Variants in DCC observed in about 807,000 individuals in gnomAD.
DCC encodes the protein DCC netrin 1 receptor, also known as netrin receptor DCC.
Under a neutral mutation model 172.5 loss-of-function variants are expected in DCC, and 58 were observed. The ratio of observed to expected loss-of-function variants is 0.34; its 90% CI spans 0.27 to 0.42. The LOEUF (loss-of-function observed/expected upper bound fraction) is 0.42. Ranked by LOEUF, DCC falls within the 10% of genes least tolerant of loss-of-function variation. The probability of loss-of-function intolerance (pLI) is 1.00; values close to 1 mark genes in which losing one functional copy is unlikely to be tolerated. For synonymous variants in DCC, 709 were observed against 644.5 expected, an observed-to-expected ratio of 1.10 and a Z score of -1.52; for missense variants, 1,740 against 1,791.0, an observed-to-expected ratio of 0.97 and a Z score of 0.51.
chr18:53,357,890 T>C (rs1043502265), intron 15 of DCC, among the ~76,000 whole-genome samples: 1 of 152,148 alleles, frequency 6.6e-6, no homozygotes, highest in African/African-American at 2.4e-5. Flanking sequence ...TAGAAGGAAA[T>C]TCATTTACCT....
chr18:53,061,834 T>C (rs1458513237), intron 5 of DCC, among the ~76,000 whole-genome samples: 1 of 152,068 alleles, frequency 6.6e-6, no homozygotes, highest in African/African-American at 2.4e-5. Context: ...GAGATAATAA[T>C]AAATATAAAG....
chr18:53,506,875 A>G (rs534231943), intron 27 of DCC, among the ~76,000 whole-genome samples: 7 of 136,470 alleles, frequency 5.1e-5, no homozygotes, highest in African/African-American at 8.0e-5. Flanking sequence ...AAAAAAAAAA[A>G]GGAGGAGGAG....
rs577670955 is a variant in DCC at position 53,059,816 on chromosome 18, C to T, written c.986-3489C>T. ...TGCCACAGCAAAGGATGAAAATATG[C>T]ATTTTGTTGCTTGAGTTTTTTATTG... On this transcript the variant is annotated intron_variant, in intron 5 of 28. Transcript: ENST00000442544. Among the ~76,000 whole-genome samples, 34 of 152,144 alleles carry T rather than the reference C, an allele frequency of 2.2e-4. No individual in the cohort carries two copies. The South Asian group carries it at 6.8e-3, about 31-fold the overall frequency.
At chr18:53,116,635 C>G (rs763226576) in intron 7 of DCC, among the ~76,000 whole-genome samples, 1 of 151,620 alleles carries the variant, frequency 6.6e-6, no homozygotes, top group Non-Finnish European at 1.5e-5. Flanking sequence ...TGAAAGTACT[C>G]TTGGGTTTCA....
At chr18:53,047,308 AAT>A (rs1340721416) in intron 5 of DCC, among the ~76,000 whole-genome samples, 2 of 18,876 alleles carry the variant, frequency 1.1e-4, no homozygotes, top group African/African-American at 3.1e-4. Flanking sequence ...ATATATATAT[AAT>A]TTTATATATA....
chr18:52,484,109 G>C (rs1045267339), intron 1 of DCC, among the ~76,000 whole-genome samples: 2 of 152,050 alleles, frequency 1.3e-5, no homozygotes, highest in African/African-American at 4.8e-5. Context: ...GAATGGGCTA[G>C]GAAATAGGAA....
chr18:52,779,563 T>C (rs2037495326), intron 2 of DCC, among the ~76,000 whole-genome samples: 1 of 152,236 alleles, frequency 6.6e-6, no homozygotes, highest in African/African-American at 2.4e-5. Context: ...TTGATTAACA[T>C]TTGGGTTAGT....
At chr18:53,081,183 G>A (rs2144135426) in intron 7 of DCC, among the ~76,000 whole-genome samples, 1 of 151,836 alleles carries the variant, frequency 6.6e-6, no homozygotes, top group Admixed American at 6.6e-5. Context: ...AAATTAGAAG[G>A]ACTAACTTTG....
At chr18:53,521,652 T>C (rs2046400134) in intron 27 of DCC, among the ~76,000 whole-genome samples, 1 of 152,136 alleles carries the variant, frequency 6.6e-6, no homozygotes, top group Non-Finnish European at 1.5e-5. Flanking sequence ...TGCCTTTCAC[T>C]TTTTATTGTA....
rs560260512 is a variant in DCC, at chr18:52,470,000, T to C, written c.91+129122T>C. ...GCAGAAGTGCCTAGGAAGCAGAGCTTGGTCTTATGCTCAAGAGAGAAAACA... is the reference window on the plus strand; with the variant it reads ...GCAGAAGTGCCTAGGAAGCAGAGCTCGGTCTTATGCTCAAGAGAGAAAACA... On this transcript the variant is annotated intron_variant, in intron 1 of 28. Coordinates refer to ENST00000442544, the MANE Select transcript of DCC (RefSeq NM_005215.4). 7.0e-4 allele frequency among the ~76,000 whole-genome samples: 107 copies of C among 152,358 alleles called. 1 individual carries two copies. The highest frequency in any genetic ancestry group is 2.5e-3 in the African/African-American group (103 of 41,602).
intron 3 of DCC, among the ~76,000 whole-genome samples, chr18:52,921,250 T>C (rs35951841): frequency 0.39 from 59,801 of 152,056 alleles, 12,373 homozygotes; most frequent in Non-Finnish European, 0.47. Flanking sequence ...ATGTTTGTAA[T>C]AGGAGAAACT....
chr18:53,501,448 T>C (rs1167213865), intron 27 of DCC, among the ~76,000 whole-genome samples: 4 of 152,152 alleles, frequency 2.6e-5, no homozygotes, highest in Non-Finnish European at 5.9e-5. Context: ...ATAAAACGAC[T>C]AAATCATTAA....
At position 53,416,109 on chromosome 18, in the gene DCC, CT is replaced by C. The variant is rs1276836391; in HGVS notation, c.3131-10del. 21 of 1,600,680 alleles carry C rather than the reference CT, an allele frequency of 1.3e-5. No homozygotes were observed. Among genetic ancestry groups the C allele is most frequent in the African/African-American group, 8.0e-5 (6 of 74,754 alleles). Reference sequence around the variant, plus strand: ...CTGTCAAAGTCTAATAATGTTATTTCTTTTTCCCCCGCAGTGGAACACCCTG... The same window carrying C: ...CTGTCAAAGTCTAATAATGTTATTTCTTTTCCCCCGCAGTGGAACACCCTG... On this transcript the variant is annotated splice_polypyrimidine_tract_variant and intron_variant, in intron 20 of 28. Transcript: ENST00000442544.
chr18:53,130,439 C>A lies in DCC; in HGVS notation c.1262-26917C>A, dbSNP rs191577479. On this transcript the variant is annotated intron_variant, in intron 7 of 28. Transcript: ENST00000442544. ...TGTTCTGTATACAGATTTTATTTTT[C>A]TTTTTGTTTGCCGTCTCAAAACTCT... Among the ~76,000 whole-genome samples the A allele has an allele frequency of 1.3e-4, 20 of 152,120 alleles. No homozygotes were observed. In the East Asian group the frequency reaches 3.7e-3, roughly 28 times the overall value.
At chr18:52,782,247 A>G (rs1042357344) in intron 2 of DCC, among the ~76,000 whole-genome samples, 3 of 152,144 alleles carry the variant, frequency 2.0e-5, no homozygotes, top group African/African-American at 7.2e-5. Context: ...GTGCATTTTA[A>G]AAGCTTAGAA....
At chr18:53,497,883 C>A (rs1044203223) in intron 26 of DCC, among the ~76,000 whole-genome samples, 2 of 152,134 alleles carry the variant, frequency 1.3e-5, no homozygotes, top group African/African-American at 4.8e-5. Context: ...CTTCAAACTC[C>A]TTGGGATTCT....
At chr18:53,527,048 T>C (rs962193097) in intron 28 of DCC, 2 of 428,094 alleles carry the variant, frequency 4.7e-6, no homozygotes, top group Admixed American at 3.5e-5. Context: ...CACCCATATA[T>C]GTACATAATA....
At chr18:52,410,153 G>A (rs1986796060) in intron 1 of DCC, among the ~76,000 whole-genome samples, 1 of 152,164 alleles carries the variant, frequency 6.6e-6, no homozygotes, top group South Asian at 2.1e-4. Context: ...GCTGGATGCT[G>A]TGACTCATGC....
intron 22 of DCC, among the ~76,000 whole-genome samples, chr18:53,448,047 G>GTTTTTTTTTTTTTTTTTTTT (rs35238619): frequency 8.8e-6 from 1 of 113,730 alleles, no homozygotes; most frequent in African/African-American, 3.4e-5. Context: ...ATTTTGATGA[G>GTTTTTTTTTTTTTTTTTTTT]TTTTTTTTTT....
Sources: allele counts gnomAD v4.1 joint callset (sites outside exome capture counted in the v4.1 genomes callset), GRCh38; gene constraint gnomAD v4.1.1; transcripts MANE v1.5; gene names NCBI Gene and HGNC (gene_info 2026-07-23, HGNC 2026-07-21).